RBPMS: variants seen among roughly 807,000 people sequenced by gnomAD.
RBPMS encodes RNA binding protein, mRNA processing factor, also known as RNA-binding protein with multiple splicing.
Under a neutral mutation model 26.8 loss-of-function variants are expected in RBPMS, and 7 were observed. The ratio of observed to expected loss-of-function variants is 0.26; its 90% confidence interval spans 0.15 to 0.49. RBPMS has a LOEUF of 0.49. Among genes scored for constraint, RBPMS ranks in the 20% least tolerant of loss-of-function variants. The probability of loss-of-function intolerance (pLI) is 0.98; values close to 1 mark genes in which losing one functional copy is unlikely to be tolerated. For synonymous variants in RBPMS, 96 were observed against 93.3 expected (o/e 1.03, Z -0.17); for missense variants, 186 against 250.0 (o/e 0.74, Z 1.73).
At chr8:30,424,632 G>A (rs1811149400) in intron 1 of RBPMS, among the ~76,000 whole-genome samples, 1 of 152,228 alleles carries the variant, frequency 6.6e-6, no homozygotes, top group African/African-American at 2.4e-5. Context: ...TGTAAGAAGA[G>A]AATGAGGATA....
intron 5 of RBPMS, among the ~76,000 whole-genome samples, chr8:30,536,085 C>G (rs924737672): frequency 6.6e-6 from 1 of 151,702 alleles, no homozygotes; most frequent in African/African-American, 2.4e-5. Context: ...GACACAGGCC[C>G]TGCACTCAGG....
At chr8:30,525,950 T>C (rs1265174877) in intron 5 of RBPMS, among the ~76,000 whole-genome samples, 2 of 152,254 alleles carry the variant, frequency 1.3e-5, no homozygotes, top group East Asian at 3.8e-4. Flanking sequence ...AGAAATGTAT[T>C]GATTTATTTG....
chr8:30,453,639 A>C (rs1814865254), intron 1 of RBPMS: 1 of 152,176 alleles, frequency 6.6e-6, no homozygotes, highest in Non-Finnish European at 1.5e-5. Context: ...ATCTAATTGC[A>C]AATCTGTTTC....
chr8:30,500,429 T>C (rs1169388146), intron 4 of RBPMS, among the ~76,000 whole-genome samples: 5 of 152,132 alleles, frequency 3.3e-5, no homozygotes, highest in Non-Finnish European at 4.4e-5. Flanking sequence ...GCATTTTTTT[T>C]CTAAATGAGT....
intron 5 of RBPMS, among the ~76,000 whole-genome samples, chr8:30,522,744 T>C (rs1000126158): frequency 6.6e-6 from 1 of 152,240 alleles, no homozygotes; most frequent in Non-Finnish European, 1.5e-5. Context: ...TGTATATCAG[T>C]CATTTCTCAA....
intron 6 of RBPMS, among the ~76,000 whole-genome samples, chr8:30,550,936 A>C (rs1056335458): frequency 1.3e-5 from 2 of 152,108 alleles, no homozygotes; most frequent in Non-Finnish European, 2.9e-5. Flanking sequence ...TCACTTTCCT[A>C]TCGGAGAAAC....
chr8:30,503,312 G>A (rs949875814), intron 4 of RBPMS, among the ~76,000 whole-genome samples: 27 of 152,120 alleles, frequency 1.8e-4, no homozygotes, highest in Middle Eastern at 3.4e-3. Context: ...GTGCAATGGC[G>A]CGATCTTGGC....
chr8:30,419,783 C>T (rs758022659), intron 1 of RBPMS, among the ~76,000 whole-genome samples: 3 of 152,130 alleles, frequency 2.0e-5, no homozygotes, highest in Non-Finnish European at 2.9e-5. Flanking sequence ...ATCTGAAACA[C>T]ATCTGGTCCC....
At chr8:30,486,880 T>C (rs1260464318) in intron 4 of RBPMS, among the ~76,000 whole-genome samples, 1 of 152,240 alleles carries the variant, frequency 6.6e-6, no homozygotes, top group East Asian at 1.9e-4. Context: ...ATTTTCCTTA[T>C]GGCCTTTTAT....
At chr8:30,424,640 A>T (rs1327993830) in intron 1 of RBPMS, among the ~76,000 whole-genome samples, 1 of 152,240 alleles carries the variant, frequency 6.6e-6, no homozygotes, top group Non-Finnish European at 1.5e-5. Context: ...GAGAATGAGG[A>T]TAATAATGCC....
intron 7 of RBPMS, among the ~76,000 whole-genome samples, chr8:30,563,114 C>G (rs1451755105): frequency 2.0e-5 from 3 of 152,114 alleles, no homozygotes; most frequent in African/African-American, 7.2e-5. Context: ...TGAGGAGAGC[C>G]AAGCTGAGGG....
At chr8:30,477,339 G>A (rs759038419) in intron 2 of RBPMS, among the ~76,000 whole-genome samples, 10 of 152,234 alleles carry the variant, frequency 6.6e-5, no homozygotes, top group African/African-American at 9.6e-5. Flanking sequence ...GTGAGTCACC[G>A]CACCCAGCCC....
At chr8:30,447,973 A>G (rs900443960) in intron 1 of RBPMS, among the ~76,000 whole-genome samples, 5 of 152,226 alleles carry the variant, frequency 3.3e-5, no homozygotes, top group African/African-American at 1.2e-4. Context: ...AAAGCCTCTT[A>G]GTCCTCTTAC....
chr8:30,531,364 C>A (rs955844308), intron 5 of RBPMS, among the ~76,000 whole-genome samples: 9 of 152,186 alleles, frequency 5.9e-5, no homozygotes, highest in Non-Finnish European at 1.0e-4. Flanking sequence ...TGCTGACCCT[C>A]ATGCCCAGAT....
chr8:30,562,498 C>T (rs374616281), intron 7 of RBPMS, among the ~76,000 whole-genome samples: 2 of 152,088 alleles, frequency 1.3e-5, no homozygotes, highest in African/African-American at 4.8e-5. Context: ...TCTAGTCTCC[C>T]AGCCCATCTA....
chr8:30,448,722 C>T (rs1363730735), intron 1 of RBPMS, among the ~76,000 whole-genome samples: 1 of 152,144 alleles, frequency 6.6e-6, no homozygotes, highest in African/African-American at 2.4e-5. Flanking sequence ...TATGTTGAAC[C>T]AAGTTATTTT....
At chr8:30,479,561 T>C (rs1489776715) in intron 4 of RBPMS, among the ~76,000 whole-genome samples, 184 bp downstream of exon 4, 1 of 152,218 alleles carries the variant, frequency 6.6e-6, no homozygotes, top group Non-Finnish European at 1.5e-5. Context: ...ATGCAGATTA[T>C]TAAATAGCAC....
intron 1 of RBPMS, among the ~76,000 whole-genome samples, chr8:30,408,453 CAGG>C (rs1332531663): frequency 1.3e-5 from 2 of 152,178 alleles, no homozygotes; most frequent in African/African-American, 4.8e-5. Context: ...CGCTTGAATC[CAGG>C]AGAAGGGGTT....
At chr8:30,486,687 G>A (rs1240005831) in intron 4 of RBPMS, among the ~76,000 whole-genome samples, 1 of 152,080 alleles carries the variant, frequency 6.6e-6, no homozygotes, top group African/African-American at 2.4e-5. Flanking sequence ...AAGAAAAGTA[G>A]TCGGAAATTT....
Sources: allele counts gnomAD v4.1 joint callset (sites outside exome capture counted in the v4.1 genomes callset), GRCh38; gene constraint gnomAD v4.1.1; transcripts MANE v1.5; gene names NCBI Gene and HGNC (gene_info 2026-07-23, HGNC 2026-07-21).